Variants in IL17RA observed in about 807,000 individuals in gnomAD.
IL17RA encodes the protein interleukin-17 receptor A.
IL17RA carries 34 observed loss-of-function variants against 50.4 expected under a neutral mutation model. The observed-to-expected ratio is 0.67, with a 90% CI of 0.51 to 0.90. IL17RA has a LOEUF of 0.90. Ranked by LOEUF, IL17RA falls within the 40% of genes least tolerant of loss-of-function variation. The probability of loss-of-function intolerance (pLI) is 0.00; values close to 1 mark genes in which losing one functional copy is unlikely to be tolerated. For synonymous variants in IL17RA, 585 were observed against 510.4 expected, an observed-to-expected ratio of 1.15 and a Z score of -1.97; for missense variants, 1,276 against 1,169.8, an observed-to-expected ratio of 1.09 and a Z score of -1.32.
rs751753949 is a variant in IL17RA, at chr22:17,108,894, C to T, written c.1675C>T (p.Leu559=). The change falls in exon 13 of 13, where the codon CTG becomes TTG. Residue 559 remains leucine, a synonymous_variant. Transcript: ENST00000319363. Reference sequence around the variant, plus strand: ...AGGGGAGCTGTCGGGGGACAACTACCTGCGGAGCCCGGGCGGCAGGCAGCT... The same window carrying T: ...AGGGGAGCTGTCGGGGGACAACTACTTGCGGAGCCCGGGCGGCAGGCAGCT... The part of the protein sequence containing the change: ...RVGELSGDNY[L]RSPGGRQLRA... 1.3e-5 allele frequency: 21 copies of T among 1,611,204 alleles called. No homozygotes were observed. The highest frequency in any genetic ancestry group is 6.7e-5 in the Admixed American group (4 of 59,800).
chr22:17,088,020 G>C (rs1385422475), intron 1 of IL17RA, among the ~76,000 whole-genome samples: 1 of 152,178 alleles, frequency 6.6e-6, no homozygotes, highest in Non-Finnish European at 1.5e-5. Flanking sequence ...TTTGTGCCAG[G>C]CACTGTGCCG....
At position 17,108,341 on chromosome 22, in the gene IL17RA, G is replaced by C. The variant is rs202242816; in HGVS notation, c.1122G>C (p.Pro374=). The part of the protein sequence containing the change: ...GLPAADLIPP[P]LKPRKVWIIY... ...CTGCGGCTGACCTGATCCCCCCACC[G>C]CTGAAGCCCAGGAAGGTCTGGATCA... The change falls in exon 13 of 13, where the codon CCG becomes CCC. Residue 374 remains proline (P), a synonymous_variant. Transcript: ENST00000319363. 2 of 1,613,976 alleles carry C rather than the reference G, an allele frequency of 1.2e-6. No individual in the cohort carries two copies. The highest frequency in any genetic ancestry group is 2.7e-5 in the African/African-American group (2 of 74,920).
At chr22:17,086,750 A>C (rs1290393848) in intron 1 of IL17RA, among the ~76,000 whole-genome samples, 1 of 152,210 alleles carries the variant, frequency 6.6e-6, no homozygotes, top group African/African-American at 2.4e-5. Flanking sequence ...TTCATGGAAA[A>C]GGCATTTGGG....
rs777981754 is a variant in IL17RA, at chr22:17,108,759, C to T, written c.1540C>T (p.Pro514Ser). Reference sequence around the variant, plus strand: ...CGAGGTCAGCTGTGACGGCGACGTCCCCGACCTGTTCGGCGCGGCGCCGCG... The same window carrying T: ...CGAGGTCAGCTGTGACGGCGACGTCTCCGACCTGTTCGGCGCGGCGCCGCG... ...FSEVSCDGDVPDLFGAAPRYP... is the reference protein window; with the variant it reads ...FSEVSCDGDVSDLFGAAPRYP... The change falls in exon 13 of 13, where the codon CCC (proline) becomes TCC (serine). Residue 514 changes from proline (P) to serine (S), a missense_variant. Physicochemically the swap from Pro to Ser is moderately conservative, Grantham distance 74. Transcript: ENST00000319363. 6 of 1,611,366 alleles carry T rather than the reference C, an allele frequency of 3.7e-6. No individual in the cohort carries two copies. The highest frequency in any genetic ancestry group is 4.2e-6 in the Non-Finnish European group (5 of 1,179,176).
Position 17,105,610 on chromosome 22 carries a change from T to C in IL17RA, c.943+8T>C, listed in dbSNP as rs1384027582. 5 of 1,613,428 alleles carry C rather than the reference T, an allele frequency of 3.1e-6. No individual in the cohort carries two copies. The South Asian group carries it at 5.5e-5, about 18-fold the overall frequency. On this transcript the variant is annotated splice_region_variant and intron_variant, in intron 10 of 12. Coordinates refer to ENST00000319363, the MANE Select transcript of IL17RA (RefSeq NM_014339.7). ...TTGCAGAACCAATTCCGGGTAAGCT[T>C]GGATCTCTCTCCGACAGCACTGCAG...
intron 1 of IL17RA, 94 bp downstream of exon 1, chr22:17,085,323 C>T: frequency 2.0e-6 from 3 of 1,506,300 alleles, no homozygotes; most frequent in Admixed American, 2.1e-5. Flanking sequence ...CGCGCCCGGG[C>T]TGGGGAGGCA....
At position 17,108,806 on chromosome 22, in the gene IL17RA, C is replaced by T. The variant is rs1210156323; in HGVS notation, c.1587C>T (p.Phe529=). ...CGCGGTACCCGCTCATGGACAGGTTCGAGGAGGTGTACTTCCGCATCCAGG... is the reference window on the plus strand; with the variant it reads ...CGCGGTACCCGCTCATGGACAGGTTTGAGGAGGTGTACTTCCGCATCCAGG... ...AAPRYPLMDR[F]EEVYFRIQDL... The change falls in exon 13 of 13, where the codon TTC becomes TTT. Residue 529 remains phenylalanine (F), a synonymous_variant. Coordinates refer to ENST00000319363, the MANE Select transcript of IL17RA (RefSeq NM_014339.7). 8 of 1,607,026 alleles carry T rather than the reference C, an allele frequency of 5.0e-6. No individual in the cohort carries two copies. Among genetic ancestry groups the T allele is most frequent in the South Asian group, 1.1e-5 (1 of 90,238 alleles).
intron 1 of IL17RA, among the ~76,000 whole-genome samples, chr22:17,086,778 CAGG>C (rs1228518348): frequency 2.0e-5 from 3 of 152,190 alleles, no homozygotes; most frequent in Non-Finnish European, 2.9e-5. Context: ...GTGGGGGTAG[CAGG>C]AGCATTCCAG....
intron 1 of IL17RA, chr22:17,093,605 T>A (rs528216863): frequency 3.9e-5 from 6 of 153,728 alleles, no homozygotes; most frequent in Admixed American, 2.6e-4. Context: ...TTATTTGACA[T>A]CAACAGTTTG....
chr22:17,101,914 G>A lies in IL17RA; in HGVS notation c.551-82G>A, dbSNP rs530123444. Reference sequence around the variant, plus strand: ...ACAGGCTCCCAGTGGGGAAAAGATTGTTGTTCTTGGTGTCAGGAGTCTGGA... The same window carrying A: ...ACAGGCTCCCAGTGGGGAAAAGATTATTGTTCTTGGTGTCAGGAGTCTGGA... On this transcript the variant is annotated intron_variant, in intron 5 of 12. Coordinates refer to ENST00000319363, the MANE Select transcript of IL17RA (RefSeq NM_014339.7). 35 of 1,556,464 alleles carry A rather than the reference G, an allele frequency of 2.2e-5. No individual in the cohort carries two copies. The Middle Eastern group carries it at 5.8e-4, about 26-fold the overall frequency.
At chr22:17,104,626 T>C in intron 8 of IL17RA, 100 bp from the exon 9 acceptor site, 1 of 1,057,038 alleles carries the variant, frequency 9.5e-7, no homozygotes, top group Non-Finnish European at 1.4e-6. Flanking sequence ...GATCGTGGTG[T>C]AGCCAGCCAG....
In IL17RA at chr22:17,108,653, G is replaced by C; in HGVS notation, c.1434G>C (p.Leu478=). The C allele has an allele frequency of 6.2e-7, 1 of 1,607,078 alleles. No homozygotes were observed. Among genetic ancestry groups the C allele is most frequent in the Non-Finnish European group, 8.5e-7 (1 of 1,179,766 alleles). ...ACCACGGAAAGCCCGTGGGGGACCT[G>C]TTCACTGCAGCCATGAACATGATCC... ...RCDHGKPVGD[L]FTAAMNMILP... Residue 478 remains leucine (L), a synonymous_variant, in exon 13 of 13, where the codon CTG becomes CTC. Coordinates refer to ENST00000319363, the MANE Select transcript of IL17RA (RefSeq NM_014339.7).
chr22:17,104,941 C>T (rs2061408174), intron 9 of IL17RA, 131 bp downstream of exon 9: 2 of 848,280 alleles, frequency 2.4e-6, no homozygotes, highest in African/African-American at 3.3e-5. Context: ...TGGAGTCCTT[C>T]AGGCCTGAAG....
rs2061373144 is a variant in IL17RA at position 17,097,690 on chromosome 22, G to A, written c.164-107G>A. 5 of 1,397,712 alleles carry A rather than the reference G, an allele frequency of 3.6e-6. No individual in the cohort carries two copies. In the Admixed American group the frequency reaches 7.0e-5, roughly 20 times the overall value. 86.6% of individuals were successfully genotyped at this position (1,397,712 alleles called of 1,614,324 possible). On this transcript the variant is annotated intron_variant, in intron 2 of 12. Transcript: ENST00000319363. ...GCGGCCAAGGGCCACAGGCTGGAAGGCCGCGGGCCCCTGAGCTGTTTGCTG... is the reference window on the plus strand; with the variant it reads ...GCGGCCAAGGGCCACAGGCTGGAAGACCGCGGGCCCCTGAGCTGTTTGCTG...
At chr22:17,096,984 C>A in intron 1 of IL17RA, 78 bp from the exon 2 acceptor site, 1 of 1,293,182 alleles carries the variant, frequency 7.7e-7, no homozygotes, top group Non-Finnish European at 1.1e-6. Context: ...TGAGAATGAG[C>A]CAGTGGAGAG....
At position 17,105,968 on chromosome 22, in the gene IL17RA, C is replaced by T; in HGVS notation, c.1045+14C>T. The T allele has an allele frequency of 1.9e-6, 3 of 1,606,594 alleles. No homozygotes were observed. The highest frequency in any genetic ancestry group is 2.6e-6 in the Non-Finnish European group (3 of 1,173,648). On this transcript the variant is annotated intron_variant, in intron 11 of 12. Transcript: ENST00000319363. ...GGAGGCTAGCTGGTAAGCGCTGGGG[C>T]TCTGGCTGTCCTGGAGTCAGGCTCT...
At chr22:17,101,355 A>G (rs1347270230) in intron 5 of IL17RA, among the ~76,000 whole-genome samples, 2 of 152,160 alleles carry the variant, frequency 1.3e-5, no homozygotes, top group African/African-American at 2.4e-5. Context: ...ACCACCCTGC[A>G]CACACGCGTG....
Position 17,109,565 on chromosome 22 carries a change from C to T in IL17RA, c.2346C>T (p.Tyr782=), listed in dbSNP as rs768113694. The T allele has an allele frequency of 7.4e-5, 118 of 1,599,966 alleles. No homozygotes were observed. The highest frequency in any genetic ancestry group is 4.7e-4 in the Admixed American group (27 of 57,672). Residue 782 remains tyrosine (Y), a synonymous_variant, in exon 13 of 13, where the codon TAC becomes TAT. Transcript: ENST00000319363. ...TCCTCACAGACCCACACACGCCCTA[C>T]GAGGAGGAGCAGCGGCAGTCAGTGC... ...AMVLTDPHTP[Y]EEEQRQSVQS...
intron 1 of IL17RA, among the ~76,000 whole-genome samples, chr22:17,096,547 A>G (rs779584051): frequency 1.3e-5 from 2 of 152,098 alleles, no homozygotes; most frequent in African/African-American, 2.4e-5. Flanking sequence ...AAAATTGTCA[A>G]GGTCCCAGCT....
Sources: allele counts gnomAD v4.1 joint callset (sites outside exome capture counted in the v4.1 genomes callset), GRCh38; gene constraint gnomAD v4.1.1; transcripts MANE v1.5; gene names NCBI Gene and HGNC (gene_info 2026-07-23, HGNC 2026-07-21).